Variants in TECTA observed in about 807,000 individuals in gnomAD.
The protein encoded by TECTA is tectorin alpha.
Under a neutral mutation model 216.8 loss-of-function variants are expected in TECTA, and 128 were observed. That is an observed-to-expected ratio of 0.59 (90% CI 0.51 to 0.68). TECTA has a LOEUF of 0.68. Ranked by LOEUF, TECTA falls within the 30% of genes least tolerant of loss-of-function variation. The pLI is 0.00. For synonymous variants in TECTA, 1,089 were observed against 1,117.1 expected (o/e 0.97, Z 0.50); for missense variants, 2,551 against 2,786.2 (o/e 0.92, Z 1.90).
chr11:121,164,195 AACTCT>A (rs751447508), intron 16 of TECTA, among the ~76,000 whole-genome samples: 1 of 152,090 alleles, frequency 6.6e-6, no homozygotes, highest in African/African-American at 2.4e-5. Context: ...GAGAACATGA[AACTCT>A]ACTCTGTTGG....
intron 10 of TECTA, 39 bp downstream of exon 10, chr11:121,130,250 G>T: frequency 6.3e-7 from 1 of 1,594,110 alleles, no homozygotes; most frequent in South Asian, 1.1e-5. Context: ...CTTTCTAGCT[G>T]GGAAATAGGT....
Position 121,105,749 on chromosome 11 carries a change from T to C in TECTA, c.65-82T>C. ...GCTTGCAAGCCCTACTGAAAGAAGC[T>C]GGCTTCAGTAGGTAGGAGAGATGTA... On this transcript the variant is annotated intron_variant, in intron 2 of 23. Coordinates refer to ENST00000392793, the MANE Select transcript of TECTA (RefSeq NM_005422.4). This position sits in a 1 kb window ranked among gnomAD's most constrained non-coding sequence, Gnocchi z 5.3. The C allele has an allele frequency of 6.3e-7, 1 of 1,584,664 alleles. No homozygotes were observed. The highest frequency in any genetic ancestry group is 1.7e-5 in the Admixed American group (1 of 57,280).
rs775713868 is a variant in TECTA at position 121,128,306 on chromosome 11, G to A, written c.2329G>A (p.Glu777Lys). ...RGLRILVADQ[E>K]VKIGGIGASE... ...ACTTCGGATCCTGGTGGCCGACCAGGAGGTCAAGATAGGAGGCATCGGGGC... is the reference window on the plus strand; with the variant it reads ...ACTTCGGATCCTGGTGGCCGACCAGAAGGTCAAGATAGGAGGCATCGGGGC... Residue 777 changes from glutamate to lysine, a missense_variant, in exon 9 of 24, where the codon GAG (glutamate) becomes AAG (lysine). This residue lies in a region of TECTA where 2,375 missense variants were observed against 2,563.9 expected (regional missense o/e 0.93). Transcript: ENST00000392793. 1.3e-6 allele frequency: 2 copies of A among 1,599,772 alleles called. No individual in the cohort carries two copies. Among genetic ancestry groups the A allele is most frequent in the South Asian group, 2.2e-5 (2 of 91,082 alleles).
intron 1 of TECTA, 143 bp from the exon 2 acceptor site, chr11:121,102,522 C>G: frequency 1.4e-6 from 1 of 691,730 alleles, no homozygotes; most frequent in Non-Finnish European, 2.6e-6. Flanking sequence ...GATTTCAGCC[C>G]GACTCAGCAC....
intron 20 of TECTA, among the ~76,000 whole-genome samples, chr11:121,171,076 C>A (rs1388826030): frequency 6.6e-6 from 1 of 152,122 alleles, no homozygotes; most frequent in Non-Finnish European, 1.5e-5. Context: ...ACATTTAAAT[C>A]TTTAATCCTC....
chr11:121,187,164 C>T (rs1329155687), intron 20 of TECTA, among the ~76,000 whole-genome samples: 1 of 152,202 alleles, frequency 6.6e-6, no homozygotes, highest in Non-Finnish European at 1.5e-5. Context: ...GTGGGGGAAA[C>T]ATTGCATGAA....
intron 20 of TECTA, among the ~76,000 whole-genome samples, chr11:121,173,406 A>G (rs1396029642): frequency 7.0e-6 from 1 of 143,172 alleles, no homozygotes; most frequent in Non-Finnish European, 1.5e-5. Flanking sequence ...CTTTCTACAT[A>G]TGGCTAGCCA....
chr11:121,158,219 G>A lies in TECTA; in HGVS notation c.4684G>A (p.Val1562Ile), dbSNP rs752211807. 2.5e-6 allele frequency: 4 copies of A among 1,612,218 alleles called. No homozygotes were observed. The Admixed American group carries it at 5.0e-5, about 20-fold the overall frequency. Reference protein sequence around the residue: ...EQILINDRNTVKVNGTQVNVP... With the variant: ...EQILINDRNTIKVNGTQVNVP... Reference sequence around the variant, plus strand: ...GATTCTCATCAACGACCGGAACACGGTCAAGGTAACCAGCCTGGCGGCCAT... The same window carrying A: ...GATTCTCATCAACGACCGGAACACGATCAAGGTAACCAGCCTGGCGGCCAT... The change falls in exon 14 of 24, where the codon GTC (valine) becomes ATC (isoleucine). Residue 1562 changes from valine (V) to isoleucine (I), a missense_variant. Val to Ile is a conservative substitution (Grantham distance 29). This residue lies in a region of TECTA where 2,375 missense variants were observed against 2,563.9 expected (regional missense o/e 0.93). Coordinates refer to ENST00000392793, the MANE Select transcript of TECTA (RefSeq NM_005422.4).
At chr11:121,125,278 T>G (rs1483099614) in intron 7 of TECTA, 24 bp from the exon 8 acceptor site, 6 of 1,607,856 alleles carry the variant, frequency 3.7e-6, no homozygotes, top group Non-Finnish European at 1.7e-6. Context: ...CTCACCTGCC[T>G]TTCACTATTA....
In TECTA at chr11:121,152,937, C is replaced by T. The variant is rs756254142; in HGVS notation, c.4162C>T (p.Arg1388Cys). Residue 1388 changes from arginine (R) to cysteine (C), a missense_variant, in exon 13 of 24, where the codon CGC becomes TGC. Around this residue, in one of 3 missense-constraint regions of TECTA, gnomAD observed 2,375 missense variants for 2,563.9 expected, o/e 0.93. Coordinates refer to ENST00000392793, the MANE Select transcript of TECTA (RefSeq NM_005422.4). ...GAGCTGCGTGAGTGTCTGCCAGCCC[C>T]GCTGCGCCGCCATCCGCCTGAAGAG... Reference protein sequence around the residue: ...YESCVSVCQPRCAAIRLKSDC... With the variant: ...YESCVSVCQPCCAAIRLKSDC... The T allele has an allele frequency of 4.5e-5, 72 of 1,612,880 alleles. No homozygotes were observed. The highest frequency in any genetic ancestry group is 5.4e-5 in the Non-Finnish European group (64 of 1,179,160).
chr11:121,119,011 ACACACACAC>A (rs1946531171), intron 7 of TECTA, among the ~76,000 whole-genome samples: 1 of 149,728 alleles, frequency 6.7e-6, no homozygotes, highest in Admixed American at 6.6e-5. Context: ...ACACACACAC[ACACACACAC>A]ACACACACAC....
intron 19 of TECTA, 84 bp from the exon 20 acceptor site, chr11:121,168,593 C>T (rs1318710923): frequency 6.2e-7 from 1 of 1,609,222 alleles, no homozygotes; most frequent in Admixed American, 1.7e-5. Context: ...TGCTTTCCCT[C>T]TGCATTCTCA....
intron 20 of TECTA, among the ~76,000 whole-genome samples, chr11:121,181,140 G>C (rs1407245007): frequency 6.6e-6 from 1 of 152,040 alleles, no homozygotes; most frequent in Admixed American, 6.6e-5. Context: ...ACTCCAGCCT[G>C]GTGACAGAGC....
intron 17 of TECTA, among the ~76,000 whole-genome samples, chr11:121,165,591 T>A (rs1947045152): frequency 6.6e-6 from 1 of 152,140 alleles, no homozygotes; most frequent in Non-Finnish European, 1.5e-5. Flanking sequence ...AATTTGTACA[T>A]GAATGGAACC....
chr11:121,115,608 C>T (rs1946494118), intron 6 of TECTA, among the ~76,000 whole-genome samples: 1 of 152,082 alleles, frequency 6.6e-6, no homozygotes, highest in African/African-American at 2.4e-5. Flanking sequence ...CCTGGGAGGC[C>T]TCGGGGTTCT....
chr11:121,145,947 C>T lies in TECTA; in HGVS notation c.3936C>T (p.Ser1312=), dbSNP rs754566696. ...SLIPNQNAAF[S]KCHSKVNPTF... is the part of the protein sequence containing the mutation. ...TCCCCAACCAGAACGCTGCCTTCTC[C>T]AAGTGTCACAGCAAAGTTAACCCCA... The change falls in exon 12 of 24, where the codon TCC becomes TCT. Residue 1312 remains serine, a synonymous_variant. Coordinates refer to ENST00000392793, the MANE Select transcript of TECTA (RefSeq NM_005422.4). 8.7e-6 allele frequency: 14 copies of T among 1,614,144 alleles called. No homozygotes were observed. The highest frequency in any genetic ancestry group is 1.2e-5 in the Non-Finnish European group (14 of 1,180,052).
chr11:121,172,220 G>T (rs1402232954), intron 20 of TECTA, among the ~76,000 whole-genome samples: 7 of 151,200 alleles, frequency 4.6e-5, no homozygotes, highest in African/African-American at 1.7e-4. Context: ...TAAGTTTTAG[G>T]GTACATGTGC....
chr11:121,150,615 A>C (rs1339757661), intron 12 of TECTA, among the ~76,000 whole-genome samples: 3 of 151,896 alleles, frequency 2.0e-5, no homozygotes, highest in African/African-American at 7.3e-5. Flanking sequence ...TTTGTAACAC[A>C]TATGACATAC....
chr11:121,161,545 C>CCTTTCCCCTCCCCTCCCCT (rs1946998766), intron 15 of TECTA, among the ~76,000 whole-genome samples: 1 of 45,302 alleles, frequency 2.2e-5, no homozygotes, highest in African/African-American at 7.9e-5. Flanking sequence ...CTCCCTCCTT[C>CCTTTCCCCTCCCCTCCCCT]CCTTCCCTTC....
Sources: gnomAD v4.1 joint callset for allele counts (sites outside exome capture counted in the v4.1 genomes callset) on GRCh38, gnomAD v4.1.1 for gene constraint, gnomAD v4.1.1 regional missense constraint, Gnocchi (gnomAD v3.1) non-coding constraint, MANE v1.5 for transcripts, NCBI Gene and HGNC (gene_info 2026-07-23, HGNC 2026-07-21) for gene names.